Variants in TENM4 observed in about 807,000 individuals in gnomAD.
TENM4 encodes teneurin-4.
Under a neutral mutation model 243.3 loss-of-function variants are expected in TENM4, and 82 were observed. That is an observed-to-expected ratio of 0.34 (90% CI 0.28 to 0.40). The LOEUF is 0.40. TENM4 is among the 10% of genes least tolerant of loss of function. The pLI, the probability that TENM4 is intolerant of heterozygous loss-of-function variation, is 1.00. For synonymous variants in TENM4, 1,412 were observed against 1,456.3 expected (o/e 0.97, Z 0.69); for missense variants, 3,138 against 3,673.3 (o/e 0.85, Z 3.77).
intron 4 of TENM4, among the ~76,000 whole-genome samples, chr11:79,131,992 C>T (rs1203517895): frequency 6.6e-6 from 1 of 151,958 alleles, no homozygotes; most frequent in Non-Finnish European, 1.5e-5. Context: ...ATATCACAAT[C>T]CTAAACATAT....
chr11:78,720,421 A>T, intron 24 of TENM4, 31 bp from the exon 25 acceptor site: 1 of 1,613,572 alleles, frequency 6.2e-7, no homozygotes, highest in Non-Finnish European at 8.5e-7. Flanking sequence ...AGGGAATAGA[A>T]GAAAGAATGA....
At chr11:78,907,478 T>C (rs769168508) in intron 6 of TENM4, among the ~76,000 whole-genome samples, 9 of 152,142 alleles carry the variant, frequency 5.9e-5, no homozygotes, top group Non-Finnish European at 1.0e-4. Context: ...AGAACTCTCT[T>C]ATAGTTTCTA....
At chr11:79,215,610 C>T (rs1324398529) in intron 3 of TENM4, among the ~76,000 whole-genome samples, 198 bp downstream of exon 3, 1 of 152,234 alleles carries the variant, frequency 6.6e-6, no homozygotes, top group Non-Finnish European at 1.5e-5. Context: ...ACCGTTGCCA[C>T]CTACCAGTCC....
chr11:78,704,097 A>ATG lies in TENM4; in HGVS notation c.4210-1696_4210-1695dup, dbSNP rs566061093. Among the ~76,000 whole-genome samples the ATG allele has an allele frequency of 3.9e-3, 541 of 138,484 alleles. 2 individuals are homozygous for ATG. The highest frequency in any genetic ancestry group is 0.016 in the African/African-American group (524 of 32,568). 90.9% of individuals were successfully genotyped at this position (138,484 alleles called of 152,430 possible). On this transcript the variant is annotated intron_variant, in intron 27 of 33. Transcript: ENST00000278550. ...TATAAATATATACATACATATACAT[A>ATG]TGTATGTGTGTGTGTCTATATATAT...
At chr11:78,845,102 GCT>G in intron 12 of TENM4, among the ~76,000 whole-genome samples, 1 of 152,168 alleles carries the variant, frequency 6.6e-6, no homozygotes, top group Non-Finnish European at 1.5e-5. Flanking sequence ...CTCCCATGGA[GCT>G]CCCACAGACC....
chr11:79,138,908 T>TAAATATATA (rs1283658555), intron 4 of TENM4, among the ~76,000 whole-genome samples: 71 of 106,994 alleles, frequency 6.6e-4, no homozygotes, highest in African/African-American at 2.8e-3. Context: ...TATATTTCTA[T>TAAATATATA]AAATATATAT....
intron 6 of TENM4, among the ~76,000 whole-genome samples, chr11:78,929,095 G>A (rs1297659772): frequency 2.0e-5 from 3 of 152,136 alleles, no homozygotes; most frequent in African/African-American, 7.2e-5. Flanking sequence ...TGCAGAGAAG[G>A]GAAGTCCATC....
intron 10 of TENM4, among the ~76,000 whole-genome samples, chr11:78,858,119 C>G (rs1187311563): frequency 1.3e-5 from 2 of 152,128 alleles, no homozygotes; most frequent in African/African-American, 2.4e-5. Flanking sequence ...AAACTGCTCC[C>G]CCATTTTAGC....
At chr11:79,302,028 TTGGTCTCTCC>T (rs1369504633) in intron 1 of TENM4, among the ~76,000 whole-genome samples, 1 of 152,204 alleles carries the variant, frequency 6.6e-6, no homozygotes, top group African/African-American at 2.4e-5. Context: ...GGACAGAGAC[TTGGTCTCTCC>T]TGTCTACCAC....
intron 19 of TENM4, among the ~76,000 whole-genome samples, chr11:78,755,567 A>G (rs1251609975): frequency 6.6e-6 from 1 of 152,068 alleles, no homozygotes; most frequent in East Asian, 1.9e-4. Context: ...TGAGCTCCAG[A>G]ATTACTAACT....
intron 1 of TENM4, among the ~76,000 whole-genome samples, chr11:79,348,372 G>C (rs1479291504): frequency 6.6e-6 from 1 of 152,060 alleles, no homozygotes; most frequent in Non-Finnish European, 1.5e-5. Context: ...CTCCTTCATT[G>C]GTATCCCATA....
chr11:79,129,454 C>G lies in TENM4; in HGVS notation c.-66+19256G>C, dbSNP rs868816215. Reference sequence around the variant, plus strand: ...AGAACCAAGCCCTTTTCTTTTGCAGCTGGGAAGTGGGTAGCCTGGGGCAAG... The same window carrying G: ...AGAACCAAGCCCTTTTCTTTTGCAGGTGGGAAGTGGGTAGCCTGGGGCAAG... On this transcript the variant is annotated intron_variant, in intron 4 of 33. Coordinates refer to ENST00000278550, the MANE Select transcript of TENM4 (RefSeq NM_001098816.3). Among the ~76,000 whole-genome samples the G allele has an allele frequency of 3.9e-5, 6 of 152,318 alleles. No individual in the cohort carries two copies. In the South Asian group the frequency reaches 1.2e-3, roughly 32 times the overall value.
intron 4 of TENM4, among the ~76,000 whole-genome samples, chr11:79,123,599 C>CTTTT (rs35553883): frequency 2.8e-4 from 40 of 143,758 alleles, no homozygotes; most frequent in South Asian, 4.4e-4. Flanking sequence ...GCAGTAGCCC[C>CTTTT]TTTTTTTTTT....
intron 1 of TENM4, among the ~76,000 whole-genome samples, chr11:79,345,444 A>G (rs1857310337): frequency 2.0e-5 from 3 of 152,240 alleles, no homozygotes. Context: ...ATTAACATCA[A>G]CAAAGTCCTG....
intron 6 of TENM4, among the ~76,000 whole-genome samples, chr11:78,968,371 A>G (rs183736245): frequency 1.1e-4 from 17 of 152,262 alleles, no homozygotes; most frequent in Non-Finnish European, 2.1e-4. Flanking sequence ...TGCAACTTCC[A>G]TCTCCTAGGC....
chr11:79,312,299 G>A (rs1225414662), intron 1 of TENM4, among the ~76,000 whole-genome samples: 2 of 152,206 alleles, frequency 1.3e-5, no homozygotes, highest in Non-Finnish European at 2.9e-5. Context: ...ATCCAGGAAA[G>A]GGCTTGACAT....
At chr11:79,141,516 A>T (rs774394666) in intron 4 of TENM4, among the ~76,000 whole-genome samples, 1 of 152,114 alleles carries the variant, frequency 6.6e-6, no homozygotes, top group Non-Finnish European at 1.5e-5. Context: ...CTCAGCAAAG[A>T]AAAGCCTGGG....
chr11:79,150,527 C>A (rs117224776), intron 3 of TENM4, among the ~76,000 whole-genome samples: 1 of 152,290 alleles, frequency 6.6e-6, no homozygotes, highest in South Asian at 2.1e-4. Flanking sequence ...ATCTAGACCA[C>A]CACTTCCTCC....
At chr11:78,874,038 C>T (rs1859203784) in intron 9 of TENM4, among the ~76,000 whole-genome samples, 11 of 152,070 alleles carry the variant, frequency 7.2e-5, no homozygotes, top group Admixed American at 7.2e-4. Flanking sequence ...AGCCCTGGGC[C>T]CTTATCATTA....
Sources: gnomAD v4.1 joint callset for allele counts (sites outside exome capture counted in the v4.1 genomes callset) on GRCh38, gnomAD v4.1.1 for gene constraint, MANE v1.5 for transcripts, NCBI Gene and HGNC (gene_info 2026-07-23, HGNC 2026-07-21) for gene names.